CNBD1: variants seen among roughly 807,000 people sequenced by gnomAD.
CNBD1 encodes the protein cyclic nucleotide binding domain containing 1.
In CNBD1, 71 loss-of-function variants were observed where a neutral mutation model predicts 54.4. The observed-to-expected ratio is 1.30, with a 90% CI of 1.08 to 1.59. The LOEUF (loss-of-function observed/expected upper bound fraction) is 1.59, where lower values mean the gene tolerates loss of function less well. Ranked by LOEUF, CNBD1 falls within the 40% of genes most tolerant of loss-of-function variation. CNBD1 has a pLI of 0.00. For missense variants in CNBD1, 659 were observed against 518.0 expected (o/e 1.27, Z -2.64); for synonymous variants, 182 against 170.7 (o/e 1.07, Z -0.51).
Position 87,236,541 on chromosome 8 carries a change from G to A in CNBD1, c.578-378G>A, listed in dbSNP as rs567589783. On this transcript the variant is annotated intron_variant, in intron 5 of 10. Transcript: ENST00000518476. The stretch of plus-strand genomic sequence containing the variant: ...TTATTTATATAAAATAGGAAAAATG[G>A]CATTTTGTGTATGGGAGGCTCATAA... Among the ~76,000 whole-genome samples the A allele has an allele frequency of 2.0e-5, 3 of 152,068 alleles. No homozygotes were observed. In the South Asian group the frequency reaches 6.2e-4, roughly 32 times the overall value.
At chr8:87,405,376 T>A (rs1807635092) in intron 2 of CNBD1, among the ~76,000 whole-genome samples, 1 of 152,116 alleles carries the variant, frequency 6.6e-6, no homozygotes, top group East Asian at 1.9e-4. Context: ...TAATTAGTAT[T>A]ATTTACAAAC....
intron 4 of CNBD1, among the ~76,000 whole-genome samples, chr8:87,011,552 TCATAAGCAGGAA>T (rs1254825121): frequency 2.0e-5 from 3 of 152,142 alleles, no homozygotes; most frequent in Non-Finnish European, 2.9e-5. Context: ...AGCCACTTTA[TCATAAGCAGGAA>T]CATAAGTACT....
At chr8:87,397,202 G>A (rs188889380) in intron 2 of CNBD1, among the ~76,000 whole-genome samples, 1 of 151,610 alleles carries the variant, frequency 6.6e-6, no homozygotes, top group Admixed American at 6.6e-5. Flanking sequence ...TTTCAGAGCT[G>A]CAAAGTTTAT....
At chr8:86,962,940 T>A (rs1807969928) in intron 4 of CNBD1, among the ~76,000 whole-genome samples, 1 of 152,126 alleles carries the variant, frequency 6.6e-6, no homozygotes, top group Non-Finnish European at 1.5e-5. Context: ...AAAAAGCTAT[T>A]TTCTTTCTCC....
chr8:87,173,577 T>C (rs1813136103), intron 4 of CNBD1, among the ~76,000 whole-genome samples: 2 of 152,312 alleles, frequency 1.3e-5, no homozygotes, highest in South Asian at 4.1e-4. Flanking sequence ...TAAAAAGTTT[T>C]TTCCTTCGGC....
At chr8:87,147,957 A>C (rs1011495506) in intron 4 of CNBD1, among the ~76,000 whole-genome samples, 1 of 152,082 alleles carries the variant, frequency 6.6e-6, no homozygotes. Context: ...TATGCAGGAT[A>C]CCTTTCTGAA....
intron 2 of CNBD1, among the ~76,000 whole-genome samples, chr8:87,413,964 C>T (rs932041743): frequency 6.6e-6 from 1 of 151,688 alleles, no homozygotes; most frequent in Non-Finnish European, 1.5e-5. Context: ...GTCAGTGTGG[C>T]GATTCCTCAG....
intron 6 of CNBD1, among the ~76,000 whole-genome samples, chr8:87,270,273 AC>A (rs1391338270): frequency 6.9e-6 from 1 of 145,782 alleles, no homozygotes; most frequent in Non-Finnish European, 1.5e-5. Context: ...ACAAGGAAAA[AC>A]AAACAACCTC....
chr8:87,028,269 A>C (rs897256334), intron 4 of CNBD1, among the ~76,000 whole-genome samples: 9 of 152,306 alleles, frequency 5.9e-5, no homozygotes, highest in African/African-American at 2.2e-4. Context: ...CTTCTGAGGC[A>C]ATCAGGAATG....
At chr8:87,241,465 G>A (rs1227660965) in intron 6 of CNBD1, among the ~76,000 whole-genome samples, 1 of 151,728 alleles carries the variant, frequency 6.6e-6, no homozygotes, top group Non-Finnish European at 1.5e-5. Flanking sequence ...GTAGAGACGG[G>A]GTTTCACCGT....
Position 87,237,059 on chromosome 8 carries a change from G to A in CNBD1, c.718G>A (p.Glu240Lys). 6.2e-7 allele frequency: 1 copy of A among 1,611,688 alleles called. No homozygotes were observed. Among genetic ancestry groups the A allele is most frequent in the Non-Finnish European group, 8.5e-7 (1 of 1,178,444 alleles). Residue 240 changes from glutamate (E) to lysine (K), a missense_variant, in exon 6 of 11, where the codon GAA (glutamate) becomes AAA (lysine). Coordinates refer to ENST00000518476, the MANE Select transcript of CNBD1 (RefSeq NM_173538.3). The part of the protein sequence containing the change: ...QSFHSFIWSE[E>K]FKNSTLAEMY... ...TTTCCACAGCTTCATTTGGAGTGAA[G>A]AATTCAAAAACTCTACACTTGCTGA... is the stretch of plus-strand genomic sequence containing the variant.
At chr8:87,377,996 G>A (rs1045802771) in intron 10 of CNBD1, among the ~76,000 whole-genome samples, 1 of 134,626 alleles carries the variant, frequency 7.4e-6, no homozygotes, top group Non-Finnish European at 1.6e-5. Flanking sequence ...TTTTTGATGG[G>A]GTTGTTTGTT....
intron 3 of CNBD1, among the ~76,000 whole-genome samples, chr8:86,937,601 A>G (rs1743555703): frequency 6.6e-6 from 1 of 152,108 alleles, no homozygotes; most frequent in Non-Finnish European, 1.5e-5. Flanking sequence ...GCTCAACACC[A>G]TGTGTAAACT....
chr8:87,367,331 A>T (rs567102159), intron 10 of CNBD1, among the ~76,000 whole-genome samples: 1 of 152,096 alleles, frequency 6.6e-6, no homozygotes, highest in Non-Finnish European at 1.5e-5. Flanking sequence ...CTCAGAACGT[A>T]TATAAAGCTC....
intron 5 of CNBD1, among the ~76,000 whole-genome samples, chr8:87,212,733 TAATTA>T (rs748509729): frequency 2.0e-5 from 3 of 152,084 alleles, no homozygotes; most frequent in Non-Finnish European, 4.4e-5. Context: ...ATAAAGGTAA[TAATTA>T]AAACTATAAA....
intron 2 of CNBD1, among the ~76,000 whole-genome samples, chr8:87,388,048 T>G (rs1300881068): frequency 6.6e-6 from 1 of 152,280 alleles, no homozygotes; most frequent in African/African-American, 2.4e-5. Context: ...AGATGTTCTT[T>G]GAAACAAACG....
intron 4 of CNBD1, among the ~76,000 whole-genome samples, chr8:87,045,332 G>C (rs1810158915): frequency 6.6e-6 from 1 of 152,168 alleles, no homozygotes; most frequent in East Asian, 1.9e-4. Context: ...CTTTCAAGAA[G>C]GGATTGTAGC....
At chr8:87,003,059 C>T (rs957251999) in intron 4 of CNBD1, among the ~76,000 whole-genome samples, 4 of 152,152 alleles carry the variant, frequency 2.6e-5, no homozygotes, top group African/African-American at 9.7e-5. Context: ...GGGCACAGTT[C>T]TCTTTCTCTT....
At chr8:86,981,967 C>G (rs888360457) in intron 4 of CNBD1, among the ~76,000 whole-genome samples, 1 of 152,134 alleles carries the variant, frequency 6.6e-6, no homozygotes, top group Non-Finnish European at 1.5e-5. Flanking sequence ...TTATGTTTTA[C>G]TTAATAAGAA....
Sources: gnomAD v4.1 joint callset for allele counts (sites outside exome capture counted in the v4.1 genomes callset) on GRCh38, gnomAD v4.1.1 for gene constraint, MANE v1.5 for transcripts, NCBI Gene and HGNC (gene_info 2026-07-23, HGNC 2026-07-21) for gene names.